Variants in CACNA2D4 observed in about 807,000 individuals in gnomAD.
The protein encoded by CACNA2D4 is voltage-dependent calcium channel subunit alpha-2/delta-4.
CACNA2D4 carries 157 observed loss-of-function variants against 163.8 expected under a neutral mutation model. That is an observed-to-expected ratio of 0.96 (90% CI 0.84 to 1.09). The LOEUF (loss-of-function observed/expected upper bound fraction) is 1.09. Among genes scored for constraint, CACNA2D4 ranks in the 50% least tolerant of loss-of-function variants. CACNA2D4 has a pLI of 0.00. For synonymous variants in CACNA2D4, 598 were observed against 586.9 expected (o/e 1.02, Z -0.27); for missense variants, 1,410 against 1,479.9 (o/e 0.95, Z 0.78).
At chr12:1,913,457 TGATGGG>T (rs2154452621) in intron 2 of CACNA2D4, among the ~76,000 whole-genome samples, 1 of 152,340 alleles carries the variant, frequency 6.6e-6, no homozygotes, top group African/African-American at 2.4e-5. Flanking sequence ...AGGTGACCCC[TGATGGG>T]GCCAGGTCTC....
chr12:1,811,756 G>A, intron 26 of CACNA2D4, 33 bp from the exon 27 acceptor site: 1 of 1,550,646 alleles, frequency 6.4e-7, no homozygotes, highest in Non-Finnish European at 8.7e-7. Context: ...GCAAGGCCAG[G>A]GAAGAGACGG....
chr12:1,825,004 A>G (rs1864257901), intron 26 of CACNA2D4, among the ~76,000 whole-genome samples: 1 of 152,190 alleles, frequency 6.6e-6, no homozygotes, highest in Non-Finnish European at 1.5e-5. Flanking sequence ...ATCCGCATGA[A>G]CCTGGGGGCC....
chr12:1,918,109 G>T, intron 1 of CACNA2D4, 138 bp downstream of exon 1: 1 of 680,658 alleles, frequency 1.5e-6, no homozygotes, highest in Non-Finnish European at 2.6e-6. Context: ...GCAAGAGAGT[G>T]GTCAGTCGCA....
chr12:1,869,796 ATTCTCCATCT>A lies in CACNA2D4; in HGVS notation c.1878+4798_1878+4807del, dbSNP rs1235177621. On this transcript the variant is annotated intron_variant, in intron 18 of 37. Transcript: ENST00000382722. This position sits in a 1 kb window ranked among gnomAD's most constrained non-coding sequence, Gnocchi z 4.7. The stretch of plus-strand genomic sequence containing the variant: ...AAGCCCTAACCATTTCTCCGCTGAG[ATTCTCCATCT>A]GTTCCCTCATTATGAACATCTTTTC... Among the ~76,000 whole-genome samples, 11 of 152,316 alleles carry A rather than the reference ATTCTCCATCT, an allele frequency of 7.2e-5. No homozygotes were observed. Among genetic ancestry groups the A allele is most frequent in the African/African-American group, 2.6e-4 (11 of 41,568 alleles).
At chr12:1,815,458 AC>A (rs1250982071) in intron 26 of CACNA2D4, among the ~76,000 whole-genome samples, 1 of 146,908 alleles carries the variant, frequency 6.8e-6, no homozygotes, top group Non-Finnish European at 1.5e-5. Context: ...AGCCAGGGGG[AC>A]CTCCCTCACT....
intron 22 of CACNA2D4, among the ~76,000 whole-genome samples, chr12:1,854,827 C>T (rs1865364722): frequency 6.6e-6 from 1 of 152,150 alleles, no homozygotes; most frequent in South Asian, 2.1e-4. Context: ...TTTTTCTTCT[C>T]TCATTTAAAA....
intron 23 of CACNA2D4, among the ~76,000 whole-genome samples, chr12:1,848,771 T>TATTATTATTATTA (rs1865210164): frequency 1.3e-5 from 2 of 150,200 alleles, no homozygotes; most frequent in East Asian, 3.9e-4. Context: ...CAATTATTAT[T>TATTATTATTATTA]ATTATTATTA....
chr12:1,859,220 G>A (rs567071777), intron 19 of CACNA2D4, among the ~76,000 whole-genome samples: 2 of 152,072 alleles, frequency 1.3e-5, no homozygotes, highest in Non-Finnish European at 2.9e-5. Flanking sequence ...AATGGGGTGT[G>A]GTGGCACGCT....
chr12:1,809,512 A>G, intron 29 of CACNA2D4: 1 of 702,716 alleles, frequency 1.4e-6, no homozygotes, highest in East Asian at 2.7e-5. Context: ...CATCTGGTGA[A>G]TATATCTGGA....
chr12:1,808,976 T>A (rs1277577654), intron 29 of CACNA2D4, among the ~76,000 whole-genome samples: 1 of 152,150 alleles, frequency 6.6e-6, no homozygotes, highest in Non-Finnish European at 1.5e-5. Flanking sequence ...TAGCTGTGTG[T>A]CCTGCAAAGC....
At chr12:1,902,016 T>G (rs1565737329) in intron 6 of CACNA2D4, among the ~76,000 whole-genome samples, 1 of 151,986 alleles carries the variant, frequency 6.6e-6, no homozygotes, top group South Asian at 2.1e-4. Flanking sequence ...AGATCATTCA[T>G]CATGACTAAG....
chr12:1,859,806 A>T (rs1028713707), intron 19 of CACNA2D4, among the ~76,000 whole-genome samples: 1 of 152,222 alleles, frequency 6.6e-6, no homozygotes, highest in African/African-American at 2.4e-5. Flanking sequence ...CGGGGAAATG[A>T]CCTGTTAAGG....
rs546829030 is a variant in CACNA2D4, at chr12:1,840,861, G to C, written c.2471-42C>G. 47 of 1,550,730 alleles carry C rather than the reference G, an allele frequency of 3.0e-5. No individual in the cohort carries two copies. The East Asian group carries it at 1.0e-3, about 34-fold the overall frequency. ...AACCCAGTCATGGGGAAGAGCTGTGGTTGGGGCAGGTGGAGCGCTACCACT... is the reference window on the plus strand; with the variant it reads ...AACCCAGTCATGGGGAAGAGCTGTGCTTGGGGCAGGTGGAGCGCTACCACT... On this transcript the variant is annotated intron_variant, in intron 25 of 37. Coordinates refer to ENST00000382722, the MANE Select transcript of CACNA2D4 (RefSeq NM_172364.5).
chr12:1,891,434 C>T (rs528029779), intron 6 of CACNA2D4, among the ~76,000 whole-genome samples: 2 of 152,270 alleles, frequency 1.3e-5, no homozygotes, highest in African/African-American at 4.8e-5. Flanking sequence ...AGGAAAAAGT[C>T]CTCCCATATA....
At chr12:1,809,039 C>T (rs778575673) in intron 29 of CACNA2D4, among the ~76,000 whole-genome samples, 5 of 152,206 alleles carry the variant, frequency 3.3e-5, no homozygotes, top group African/African-American at 4.8e-5. Context: ...TTTGGCTTCT[C>T]TACTCTTGTG....
chr12:1,913,002 C>G (rs1866870474), intron 3 of CACNA2D4, 21 bp downstream of exon 3: 1 of 1,511,824 alleles, frequency 6.6e-7, no homozygotes, highest in African/African-American at 1.4e-5. Flanking sequence ...AAACGCCCTG[C>G]AGATCACAGG....
At chr12:1,800,250 G>T in intron 32 of CACNA2D4, 136 bp downstream of exon 32, 1 of 1,037,136 alleles carries the variant, frequency 9.6e-7, no homozygotes, top group Non-Finnish European at 1.5e-6. Flanking sequence ...CCATGCCCAG[G>T]GATTGTGCCC....
chr12:1,832,403 A>T (rs1180402796), intron 26 of CACNA2D4, among the ~76,000 whole-genome samples: 1 of 152,248 alleles, frequency 6.6e-6, no homozygotes, highest in African/African-American at 2.4e-5. Flanking sequence ...GTGAGTCCTC[A>T]ATAAAACGTC....
rs1407886021 is a variant in CACNA2D4 at position 1,913,115 on chromosome 12, G to A, written c.334C>T (p.Leu112=). The change falls in exon 3 of 38, where the codon CTG becomes TTG. Residue 112 remains leucine, a synonymous_variant. Transcript: ENST00000382722. The part of the protein sequence containing the change: ...QKKYKDVESS[L]KIEEVDGLEL... Reference sequence around the variant, plus strand: ...AAGCCATCCACCTCCTCGATCTTCAGACTGGACTCCACATCCTTGTACTTC... The same window carrying A: ...AAGCCATCCACCTCCTCGATCTTCAAACTGGACTCCACATCCTTGTACTTC... 6.2e-7 allele frequency: 1 copy of A among 1,613,406 alleles called. No individual in the cohort carries two copies. The highest frequency in any genetic ancestry group is 2.2e-5 in the East Asian group (1 of 44,878).
Sources: gnomAD v4.1 joint callset for allele counts (sites outside exome capture counted in the v4.1 genomes callset) on GRCh38, gnomAD v4.1.1 for gene constraint, Gnocchi (gnomAD v3.1) non-coding constraint, MANE v1.5 for transcripts, NCBI Gene and HGNC (gene_info 2026-07-23, HGNC 2026-07-21) for gene names.